The following RIMS1 variants were observed in gnomAD, a reference collection of about 807,000 sequenced individuals.
RIMS1 encodes the protein regulating synaptic membrane exocytosis protein 1.
RIMS1 carries 83 observed loss-of-function variants against 214.1 expected under a neutral mutation model. That is an observed-to-expected ratio of 0.39 (90% CI 0.32 to 0.47). RIMS1 has a LOEUF of 0.47. Among genes scored for constraint, RIMS1 ranks in the 20% least tolerant of loss-of-function variants. The pLI is 0.99. For missense variants in RIMS1, 2,050 were observed against 2,161.8 expected (o/e 0.95, Z 1.03); for synonymous variants, 793 against 786.8 (o/e 1.01, Z -0.13).
At chr6:72,031,738 C>T (rs1027581357) in intron 2 of RIMS1, among the ~76,000 whole-genome samples, 3 of 152,094 alleles carry the variant, frequency 2.0e-5, no homozygotes, top group Non-Finnish European at 2.9e-5. Context: ...TCCTGAAATC[C>T]TTACATTTCA....
chr6:71,922,369 A>C (rs1780257457), intron 1 of RIMS1, among the ~76,000 whole-genome samples: 1 of 151,954 alleles, frequency 6.6e-6, no homozygotes, highest in Non-Finnish European at 1.5e-5. Flanking sequence ...GTCTCTATGA[A>C]TTTGCCTATT....
At chr6:71,942,953 G>C (rs1461057745) in intron 1 of RIMS1, among the ~76,000 whole-genome samples, 1 of 151,818 alleles carries the variant, frequency 6.6e-6, no homozygotes, top group African/African-American at 2.4e-5. Context: ...GCTTTAAAAA[G>C]GGAAAATGAG....
chr6:72,085,926 C>T (rs1414551963), intron 2 of RIMS1, among the ~76,000 whole-genome samples: 3 of 152,114 alleles, frequency 2.0e-5, no homozygotes, highest in African/African-American at 4.8e-5. Flanking sequence ...ATTTTACCAG[C>T]CTTATGTAAG....
intron 12 of RIMS1, 87 bp from the exon 13 acceptor site, chr6:72,250,243 C>T (rs1287334614): frequency 2.4e-6 from 3 of 1,271,480 alleles, no homozygotes; most frequent in Non-Finnish European, 3.3e-6. Context: ...AAAATTTCCT[C>T]ATTTAAATAT....
chr6:72,188,346 C>T (rs182595494), intron 6 of RIMS1, among the ~76,000 whole-genome samples: 8 of 152,092 alleles, frequency 5.3e-5, no homozygotes, highest in African/African-American at 9.7e-5. Flanking sequence ...ATAATTATGC[C>T]GAACATAATA....
chr6:72,149,447 C>T (rs1261949745), intron 4 of RIMS1, among the ~76,000 whole-genome samples: 1 of 152,012 alleles, frequency 6.6e-6, no homozygotes, highest in African/African-American at 2.4e-5. Context: ...TCAGTTTCCT[C>T]AGGACCTTAT....
chr6:72,004,184 A>G (rs1806471358), intron 2 of RIMS1, among the ~76,000 whole-genome samples: 1 of 151,606 alleles, frequency 6.6e-6, no homozygotes, highest in Non-Finnish European at 1.5e-5. Flanking sequence ...CCATGTCCCT[A>G]CAAAGGACAT....
chr6:72,379,694 C>G (rs560478913), intron 29 of RIMS1, among the ~76,000 whole-genome samples: 1 of 152,160 alleles, frequency 6.6e-6, no homozygotes, highest in African/African-American at 2.4e-5. Context: ...TGAATTATCT[C>G]GTTTAATACT....
intron 31 of RIMS1, 29 bp from the exon 32 acceptor site, chr6:72,398,220 A>C: frequency 7.0e-7 from 1 of 1,422,664 alleles, no homozygotes; most frequent in Non-Finnish European, 9.8e-7. Context: ...AAAGAAGCTG[A>C]AACACATCTT....
intron 4 of RIMS1, among the ~76,000 whole-genome samples, chr6:72,168,269 G>C (rs982362216): frequency 1.3e-5 from 2 of 152,150 alleles, no homozygotes; most frequent in African/African-American, 4.8e-5. Flanking sequence ...AGGGGTTTAA[G>C]GCAGATGAAG....
intron 11 of RIMS1, among the ~76,000 whole-genome samples, chr6:72,246,310 T>A (rs1316895901): frequency 6.6e-6 from 1 of 152,134 alleles, no homozygotes; most frequent in Non-Finnish European, 1.5e-5. Flanking sequence ...TGGAAGTGAA[T>A]GGGTGGAGTA....
chr6:71,919,168 A>G (rs1779266527), intron 1 of RIMS1, among the ~76,000 whole-genome samples: 1 of 152,246 alleles, frequency 6.6e-6, no homozygotes, highest in African/African-American at 2.4e-5. Context: ...GGCACTTTAT[A>G]TTTGTTTTAT....
chr6:72,237,837 A>G lies in RIMS1; in HGVS notation c.1872A>G (p.Lys624=). 6.2e-7 allele frequency: 1 copy of G among 1,613,320 alleles called. No individual in the cohort carries two copies. The highest frequency in any genetic ancestry group is 8.5e-7 in the Non-Finnish European group (1 of 1,179,470). The part of the protein sequence containing the change: ...ALLGLKVVGG[K]MTDLGRLGAF... ...TAATTATCCAGGTTGTTGGAGGAAAAATGACTGACTTAGGACGACTTGGTG... is the reference window on the plus strand; with the variant it reads ...TAATTATCCAGGTTGTTGGAGGAAAGATGACTGACTTAGGACGACTTGGTG... The change falls in exon 9 of 34, where the codon AAA becomes AAG. Residue 624 remains lysine, a synonymous_variant. Transcript: ENST00000521978.
chr6:72,010,368 A>G (rs1048686689), intron 2 of RIMS1, among the ~76,000 whole-genome samples: 1 of 152,190 alleles, frequency 6.6e-6, no homozygotes, highest in Non-Finnish European at 1.5e-5. Flanking sequence ...CCCACAGCCA[A>G]TATCATACTG....
At chr6:72,094,956 CTTAT>C (rs951452601) in intron 2 of RIMS1, among the ~76,000 whole-genome samples, 1 of 150,088 alleles carries the variant, frequency 6.7e-6, no homozygotes, top group Non-Finnish European at 1.5e-5. Flanking sequence ...TATTATTTTA[CTTAT>C]TTATTTATTT....
chr6:72,300,711 A>G (rs1041754208), intron 26 of RIMS1, among the ~76,000 whole-genome samples: 2 of 151,810 alleles, frequency 1.3e-5, no homozygotes, highest in Non-Finnish European at 2.9e-5. Flanking sequence ...AGGACAAGAT[A>G]TATAACAAAT....
chr6:71,926,089 C>A lies in RIMS1; in HGVS notation c.164+38902C>A, dbSNP rs1781485674. On this transcript the variant is annotated intron_variant, in intron 1 of 33. Transcript: ENST00000521978. ...CTTTTTATTGTTGTTGTTGTTGAGA[C>A]CCAGTCTCACTCTGTCACCAGGCTG... 2.0e-5 allele frequency among the ~76,000 whole-genome samples: 3 copies of A among 152,144 alleles called. No homozygotes were observed. In the South Asian group the frequency reaches 6.2e-4, roughly 31 times the overall value.
At chr6:72,030,094 A>G (rs1200489517) in intron 2 of RIMS1, among the ~76,000 whole-genome samples, 2 of 152,200 alleles carry the variant, frequency 1.3e-5, no homozygotes, top group African/African-American at 4.8e-5. Flanking sequence ...TGTCATAGAT[A>G]TGAATGTTCT....
At chr6:72,009,746 G>T (rs1055018694) in intron 2 of RIMS1, among the ~76,000 whole-genome samples, 1 of 152,056 alleles carries the variant, frequency 6.6e-6, no homozygotes. Context: ...TAAATTCCTC[G>T]ACACATACAC....
Sources: gnomAD v4.1 joint callset for allele counts (sites outside exome capture counted in the v4.1 genomes callset) on GRCh38, gnomAD v4.1.1 for gene constraint, MANE v1.5 for transcripts, NCBI Gene and HGNC (gene_info 2026-07-23, HGNC 2026-07-21) for gene names.